The following ERG variants were observed in gnomAD, a reference collection of about 807,000 sequenced individuals.
ERG encodes transcriptional regulator ERG.
ERG carries 9 observed loss-of-function variants against 55.3 expected under a neutral mutation model. That is an observed-to-expected ratio of 0.16 (90% confidence interval 0.10 to 0.28). The LOEUF (loss-of-function observed/expected upper bound fraction) is 0.28. Ranked by LOEUF, ERG falls within the 10% of genes least tolerant of loss-of-function variation. The pLI is 1.00. For synonymous variants in ERG, 223 were observed against 237.3 expected, an observed-to-expected ratio of 0.94 and a Z score of 0.55; for missense variants, 434 against 631.6, an observed-to-expected ratio of 0.69 and a Z score of 3.35.
intron 1 of ERG, among the ~76,000 whole-genome samples, chr21:38,454,385 T>C (rs187383029): frequency 2.5e-4 from 38 of 152,298 alleles, no homozygotes; most frequent in African/African-American, 8.2e-4. Flanking sequence ...CTGCCCCAAG[T>C]GTGAGCTGAG....
chr21:38,623,156 C>CCA (rs61386251), intron 1 of ERG, among the ~76,000 whole-genome samples: 237 of 149,578 alleles, frequency 1.6e-3, no homozygotes, highest in African/African-American at 5.6e-3. Flanking sequence ...CATATACATG[C>CCA]CACACACACA....
At chr21:38,466,551 T>C (rs998155290) in intron 1 of ERG, among the ~76,000 whole-genome samples, 1 of 152,032 alleles carries the variant, frequency 6.6e-6, no homozygotes, top group African/African-American at 2.4e-5. Context: ...CTGGAAGATA[T>C]ACTCCCAAAG....
At chr21:38,529,921 A>T (rs2059659931) in intron 2 of ERG, among the ~76,000 whole-genome samples, 1 of 152,106 alleles carries the variant, frequency 6.6e-6, no homozygotes, top group South Asian at 2.1e-4. Flanking sequence ...AACCGAGATC[A>T]CGCCATTGCA....
chr21:38,477,834 T>A (rs1263288994), intron 1 of ERG, among the ~76,000 whole-genome samples: 1 of 152,218 alleles, frequency 6.6e-6, no homozygotes. Context: ...ACCTCTATGT[T>A]ACTGACCTGT....
At chr21:38,599,322 G>T (rs1388208089) in intron 1 of ERG, among the ~76,000 whole-genome samples, 1 of 151,652 alleles carries the variant, frequency 6.6e-6, no homozygotes, top group African/African-American at 2.4e-5. Context: ...TAGGGGAAGG[G>T]TACCATCAGC....
chr21:38,507,591 G>C (rs1390813985), intron 2 of ERG, among the ~76,000 whole-genome samples: 1 of 152,142 alleles, frequency 6.6e-6, no homozygotes, highest in East Asian at 1.9e-4. Flanking sequence ...GAGTATCAGG[G>C]GAGAGCAATA....
At chr21:38,456,886 T>C (rs988234870) in intron 1 of ERG, among the ~76,000 whole-genome samples, 1 of 152,220 alleles carries the variant, frequency 6.6e-6, no homozygotes, top group African/African-American at 2.4e-5. Context: ...GCTAATGTTA[T>C]ACGCTGAGCT....
At chr21:38,590,391 G>A (rs2060092658) in intron 1 of ERG, among the ~76,000 whole-genome samples, 1 of 152,178 alleles carries the variant, frequency 6.6e-6, no homozygotes, top group African/African-American at 2.4e-5. Context: ...GTTCTCCAAG[G>A]AAGCACGCTG....
At chr21:38,588,867 A>T (rs1341383479), upstream of ERG, among the ~76,000 whole-genome samples, 3 of 150,978 alleles carry the variant, frequency 2.0e-5, no homozygotes, top group Non-Finnish European at 4.4e-5. Flanking sequence ...TAGGAAAAAG[A>T]GTCATGCACC....
intron 5 of ERG, among the ~76,000 whole-genome samples, chr21:38,402,187 G>T (rs989636673): frequency 5.3e-5 from 8 of 152,172 alleles, no homozygotes; most frequent in African/African-American, 9.7e-5. Flanking sequence ...AGGTTGCTAA[G>T]GGCCCTTTTA....
chr21:38,372,428 T>C, the ERG span, among the ~76,000 whole-genome samples: 1 of 151,942 alleles, frequency 6.6e-6, no homozygotes, highest in East Asian at 1.9e-4. Flanking sequence ...AATGGATGCT[T>C]AGTTTACTAA....
intron 1 of ERG, among the ~76,000 whole-genome samples, chr21:38,446,646 T>G (rs1426730011): frequency 6.6e-6 from 1 of 151,984 alleles, no homozygotes; most frequent in Non-Finnish European, 1.5e-5. Flanking sequence ...CATCAACTAG[T>G]GAGAAGCAAA....
At chr21:38,546,687 C>G (rs1179079961) in intron 2 of ERG, among the ~76,000 whole-genome samples, 1 of 152,320 alleles carries the variant, frequency 6.6e-6, no homozygotes, top group East Asian at 1.9e-4. Context: ...TAAGAAACAA[C>G]CTGGTCCAGC....
intron 1 of ERG, chr21:38,575,779 A>C: frequency 6.7e-7 from 1 of 1,483,422 alleles, no homozygotes; most frequent in Non-Finnish European, 9.4e-7. Flanking sequence ...ATACATAATA[A>C]TAAACAACTG....
At chr21:38,438,411 A>G (rs2058810664) in intron 2 of ERG, among the ~76,000 whole-genome samples, 1 of 152,208 alleles carries the variant, frequency 6.6e-6, no homozygotes, top group African/African-American at 2.4e-5. Flanking sequence ...TAGGTGCTCA[A>G]TAAATATTCA....
intron 1 of ERG, among the ~76,000 whole-genome samples, chr21:38,461,187 C>T (rs552618028): frequency 7.9e-5 from 12 of 152,272 alleles, no homozygotes; most frequent in South Asian, 4.2e-4. Flanking sequence ...AAAGTAGCAG[C>T]GGGGTTGATT....
chr21:38,395,914 C>T (rs1988187982), intron 6 of ERG, among the ~76,000 whole-genome samples: 1 of 152,168 alleles, frequency 6.6e-6, no homozygotes, highest in Non-Finnish European at 1.5e-5. Flanking sequence ...CTAGCTCTTG[C>T]CCCACACACC....
chr21:38,476,400 C>T (rs1360903765), intron 1 of ERG, among the ~76,000 whole-genome samples: 2 of 152,142 alleles, frequency 1.3e-5, no homozygotes, highest in Non-Finnish European at 2.9e-5. Flanking sequence ...GTAACACCAG[C>T]GAAACATGTT....
At chr21:38,467,017 T>C (rs1449230459) in intron 1 of ERG, among the ~76,000 whole-genome samples, 2 of 152,124 alleles carry the variant, frequency 1.3e-5, no homozygotes, top group Admixed American at 6.5e-5. Flanking sequence ...GTCACAGAGG[T>C]AGTTAATTTG....
Sources: allele counts gnomAD v4.1 joint callset (sites outside exome capture counted in the v4.1 genomes callset), GRCh38; gene constraint gnomAD v4.1.1; transcripts MANE v1.5; gene names NCBI Gene and HGNC (gene_info 2026-07-23, HGNC 2026-07-21).